Variants in SFXN1 observed in about 807,000 individuals in gnomAD.
SFXN1 encodes the protein sideroflexin-1.
In SFXN1, 32 loss-of-function variants were observed where a neutral mutation model predicts 39.5. The ratio of observed to expected loss-of-function variants is 0.81; its 90% CI spans 0.61 to 1.09. The LOEUF (loss-of-function observed/expected upper bound fraction) is 1.09. Among genes scored for constraint, SFXN1 ranks in the 50% least tolerant of loss-of-function variants. The pLI is 0.00. For missense variants in SFXN1, 402 were observed against 407.1 expected (o/e 0.99, Z 0.11); for synonymous variants, 136 against 146.5 (o/e 0.93, Z 0.52).
chr5:175,513,741 G>A (rs1304874128), intron 7 of SFXN1, 151 bp downstream of exon 7: 5 of 803,348 alleles, frequency 6.2e-6, no homozygotes, highest in African/African-American at 1.7e-5. Context: ...AATAAAGTAT[G>A]TAGTATGTGC....
In SFXN1 at chr5:175,503,944, C is replaced by T. The variant is rs1236254625; in HGVS notation, c.165-5088C>T. Among the ~76,000 whole-genome samples, 5 of 141,518 alleles carry T rather than the reference C, an allele frequency of 3.5e-5. No homozygotes were observed. The East Asian group carries it at 1.1e-3, about 30-fold the overall frequency. 92.8% of individuals were successfully genotyped at this position (141,518 alleles called of 152,430 possible). A position where few individuals can be genotyped will look rare whatever the true frequency, so the allele number is the denominator to read the frequency against. On this transcript the variant is annotated intron_variant, in intron 2 of 10. Transcript: ENST00000321442. ...GCTTGAACCTGGGAGGTAGAGGTTG[C>T]AGTAGCCGAGATTGCGCCATTGCAC...
At chr5:175,500,369 C>T (rs956191115) in intron 2 of SFXN1, among the ~76,000 whole-genome samples, 4 of 146,490 alleles carry the variant, frequency 2.7e-5, no homozygotes, top group African/African-American at 7.6e-5. Context: ...ACTTAGAGAT[C>T]ACTTTAACAA....
intron 2 of SFXN1, among the ~76,000 whole-genome samples, chr5:175,501,136 T>G (rs1410976936): frequency 6.7e-6 from 1 of 148,948 alleles, no homozygotes; most frequent in Non-Finnish European, 1.5e-5. Context: ...TGGCGCGATC[T>G]TGGCTCACTG....
At chr5:175,497,651 G>A (rs187857477) in intron 2 of SFXN1, among the ~76,000 whole-genome samples, 102 of 152,118 alleles carry the variant, frequency 6.7e-4, no homozygotes, top group African/African-American at 2.3e-3. Context: ...TCACAGGGCC[G>A]GGCGCAGTGA....
chr5:175,479,518 C>G (rs1400105209), intron 1 of SFXN1, among the ~76,000 whole-genome samples: 1 of 152,192 alleles, frequency 6.6e-6, no homozygotes, highest in African/African-American at 2.4e-5. Flanking sequence ...CCCACACACC[C>G]TTTGTAACAC....
At chr5:175,492,401 AGG>A in intron 2 of SFXN1, 134 bp downstream of exon 2, 1 of 734,868 alleles carries the variant, frequency 1.4e-6, no homozygotes, top group Non-Finnish European at 2.1e-6. Context: ...AAAAAAAAAA[AGG>A]AAGAAAAGAG....
At chr5:175,478,682 G>A (rs1759112146) in intron 1 of SFXN1, 43 bp downstream of exon 1, 1 of 152,620 alleles carries the variant, frequency 6.6e-6, no homozygotes, top group Non-Finnish European at 1.5e-5. Context: ...GTGGGGAAAC[G>A]CGCAGGGGGC....
rs1260058098 is a variant in SFXN1 at position 175,527,587 on chromosome 5, G to C, written c.*853G>C. On this transcript the variant is annotated 3_prime_UTR_variant, in exon 11 of 11. Coordinates refer to ENST00000321442, the MANE Select transcript of SFXN1 (RefSeq NM_022754.7). ...GAATCCAGTTCATTGTTTTTTTTTT[G>C]GTAAGAAGTGAGACTACAGTTCCAG... 6.8e-6 allele frequency: 1 copy of C among 147,848 alleles called. No individual in the cohort carries two copies. The highest frequency in any genetic ancestry group is 6.7e-5 in the Admixed American group (1 of 14,886). 9.2% of individuals were successfully genotyped at this position (147,848 alleles called of 1,614,324 possible).
chr5:175,527,176 A>G lies in SFXN1; in HGVS notation c.*442A>G, dbSNP rs1761093308. 6.4e-6 allele frequency: 1 copy of G among 156,234 alleles called. No individual in the cohort carries two copies. The highest frequency in any genetic ancestry group is 1.4e-5 in the Non-Finnish European group (1 of 70,644). 9.7% of individuals were successfully genotyped at this position (156,234 alleles called of 1,614,324 possible). ...GGAGATCTCAGCAGTGAACTGGGAA[A>G]ATACAAAAGCTCTGGGCTAATCTAT... On this transcript the variant is annotated 3_prime_UTR_variant, in exon 11 of 11. Transcript: ENST00000321442.
In SFXN1 at chr5:175,520,814, CCTT is replaced by C. The variant is rs367917425; in HGVS notation, c.775-1103_775-1101del. On this transcript the variant is annotated intron_variant, in intron 8 of 10. Coordinates refer to ENST00000321442, the MANE Select transcript of SFXN1 (RefSeq NM_022754.7). ...GTATTTAGCATCTCCTTATGACAATCCTTCATCATCAAACAGAGACAGTTGCCA... is the reference window on the plus strand; with the variant it reads ...GTATTTAGCATCTCCTTATGACAATCCATCATCAAACAGAGACAGTTGCCA... Among the ~76,000 whole-genome samples the C allele has an allele frequency of 2.8e-3, 429 of 152,266 alleles. 4 individuals carry two copies. The highest frequency in any genetic ancestry group is 0.023 in the South Asian group (113 of 4,818).
chr5:175,486,870 T>A (rs1308206580), intron 1 of SFXN1, among the ~76,000 whole-genome samples: 1 of 152,182 alleles, frequency 6.6e-6, no homozygotes, highest in African/African-American at 2.4e-5. Flanking sequence ...TTTAACAAAT[T>A]AGGGATAGTT....
chr5:175,483,781 C>T (rs1759345471), intron 1 of SFXN1: 1 of 152,386 alleles, frequency 6.6e-6, no homozygotes, highest in Admixed American at 6.5e-5. Context: ...GTCTCCTAGC[C>T]TCTCTGAGTG....
At chr5:175,518,508 G>A (rs573778501) in intron 8 of SFXN1, among the ~76,000 whole-genome samples, 6 of 152,262 alleles carry the variant, frequency 3.9e-5, no homozygotes, top group East Asian at 3.9e-4. Context: ...GGGAAGAGGC[G>A]CAAGACACAT....
intron 2 of SFXN1, among the ~76,000 whole-genome samples, chr5:175,502,713 T>C (rs1760129871): frequency 6.6e-6 from 1 of 152,252 alleles, no homozygotes; most frequent in Non-Finnish European, 1.5e-5. Context: ...TGGTGGCACA[T>C]GCCTGTAATC....
chr5:175,516,576 TTAAA>T (rs1760721865), intron 7 of SFXN1, 34 bp from the exon 8 acceptor site: 1 of 1,565,016 alleles, frequency 6.4e-7, no homozygotes, highest in Non-Finnish European at 8.7e-7. Flanking sequence ...AAAATTGGCA[TTAAA>T]TAAAGATTTA....
chr5:175,502,098 G>A (rs1232593236), intron 2 of SFXN1, among the ~76,000 whole-genome samples: 1 of 152,150 alleles, frequency 6.6e-6, no homozygotes, highest in Non-Finnish European at 1.5e-5. Flanking sequence ...TGGGTGCGAT[G>A]GCAGAACTGG....
At chr5:175,513,625 A>T in intron 7 of SFXN1, 35 bp downstream of exon 7, 1 of 1,606,980 alleles carries the variant, frequency 6.2e-7, no homozygotes, top group Non-Finnish European at 8.5e-7. Context: ...CCATAAATAC[A>T]GGTTGAACCA....
At chr5:175,504,481 A>G (rs1760212480) in intron 2 of SFXN1, among the ~76,000 whole-genome samples, 1 of 150,938 alleles carries the variant, frequency 6.6e-6, no homozygotes, top group Non-Finnish European at 1.5e-5. Flanking sequence ...AGGCTGAGGC[A>G]GGAGAATCGC....
chr5:175,504,048 A>G (rs1209370432), intron 2 of SFXN1, among the ~76,000 whole-genome samples: 1 of 148,234 alleles, frequency 6.7e-6, no homozygotes, highest in African/African-American at 2.5e-5. Flanking sequence ...TTAAAGAAAG[A>G]AAAGAGGGGG....
Sources: gnomAD v4.1 joint callset for allele counts (sites outside exome capture counted in the v4.1 genomes callset) on GRCh38, gnomAD v4.1.1 for gene constraint, MANE v1.5 for transcripts, NCBI Gene and HGNC (gene_info 2026-07-23, HGNC 2026-07-21) for gene names.